The following MAPRE1 variants were observed in gnomAD, a reference collection of about 807,000 sequenced individuals.
The protein encoded by MAPRE1 is microtubule-associated protein RP/EB family member 1.
In MAPRE1, 5 loss-of-function variants were observed where a neutral mutation model predicts 32.1. The observed-to-expected ratio is 0.16, with a 90% CI of 0.08 to 0.33. The LOEUF is 0.33. Ranked by LOEUF, MAPRE1 falls within the 10% of genes least tolerant of loss-of-function variation. The probability of loss-of-function intolerance (pLI) is 1.00; values close to 1 mark genes in which losing one functional copy is unlikely to be tolerated. For missense variants in MAPRE1, 209 were observed against 327.2 expected (o/e 0.64, Z 2.79); for synonymous variants, 122 against 118.9 (o/e 1.03, Z -0.17).
chr20:32,834,451 A>G (rs1180488659), intron 3 of MAPRE1, among the ~76,000 whole-genome samples: 2 of 152,038 alleles, frequency 1.3e-5, no homozygotes, highest in Non-Finnish European at 2.9e-5. Flanking sequence ...TAGCACAAAT[A>G]TTACCTCTGT....
At chr20:32,839,263 G>A (rs1044598199) in intron 4 of MAPRE1, among the ~76,000 whole-genome samples, 2 of 152,224 alleles carry the variant, frequency 1.3e-5, no homozygotes, top group Non-Finnish European at 2.9e-5. Context: ...GGCAACAGCC[G>A]AGACTGTGTG....
intron 2 of MAPRE1, among the ~76,000 whole-genome samples, chr20:32,830,121 CCTT>C (rs1176203703): frequency 1.3e-5 from 2 of 152,136 alleles, no homozygotes; most frequent in African/African-American, 2.4e-5. Flanking sequence ...CCCTTCTCCT[CCTT>C]GTCTTCTCCC....
At chr20:32,825,401 T>C (rs1982815800) in intron 1 of MAPRE1, among the ~76,000 whole-genome samples, 1 of 152,184 alleles carries the variant, frequency 6.6e-6, no homozygotes, top group African/African-American at 2.4e-5. Context: ...GTTGGGCAGT[T>C]CATTTCAGGT....
At chr20:32,847,442 A>C (rs900016796) in intron 6 of MAPRE1, among the ~76,000 whole-genome samples, 1 of 152,250 alleles carries the variant, frequency 6.6e-6, no homozygotes, top group East Asian at 1.9e-4. Flanking sequence ...CTGTAGGATC[A>C]AACTACAAAC....
intron 2 of MAPRE1, among the ~76,000 whole-genome samples, chr20:32,831,723 C>T (rs1046388319): frequency 4.6e-5 from 7 of 151,740 alleles, no homozygotes; most frequent in African/African-American, 7.3e-5. Context: ...TTAATAGAGA[C>T]GGGATTTCAT....
At chr20:32,821,798 G>C (rs1029960334) in intron 1 of MAPRE1, among the ~76,000 whole-genome samples, 6 of 152,150 alleles carry the variant, frequency 3.9e-5, no homozygotes, top group African/African-American at 1.4e-4. Flanking sequence ...ATAGGTTTGG[G>C]ATCTTGCTAG....
At chr20:32,840,424 T>C (rs916306096) in intron 5 of MAPRE1, among the ~76,000 whole-genome samples, 168 of 152,314 alleles carry the variant, frequency 1.1e-3, no homozygotes, top group African/African-American at 3.8e-3. Context: ...TTGTAATTGG[T>C]TGGTTTGCTT....
chr20:32,838,566 C>G (rs993654888), intron 4 of MAPRE1, among the ~76,000 whole-genome samples: 1 of 152,202 alleles, frequency 6.6e-6, no homozygotes, highest in African/African-American at 2.4e-5. Context: ...CTGTATTTAA[C>G]CTTTTGCAGA....
chr20:32,836,297 A>G (rs1022728049), intron 3 of MAPRE1, among the ~76,000 whole-genome samples: 1 of 152,250 alleles, frequency 6.6e-6, no homozygotes, highest in African/African-American at 2.4e-5. Context: ...TGCAAGTTAT[A>G]TAGCGGACCT....
At chr20:32,837,422 G>A (rs1568880920) in intron 4 of MAPRE1, among the ~76,000 whole-genome samples, 1 of 152,190 alleles carries the variant, frequency 6.6e-6, no homozygotes. Flanking sequence ...GGCGGGGGTA[G>A]GGGAGAGGCT....
intron 5 of MAPRE1, among the ~76,000 whole-genome samples, chr20:32,844,898 G>A (rs1037834283): frequency 7.2e-5 from 11 of 152,280 alleles, no homozygotes; most frequent in South Asian, 2.1e-4. Context: ...GTTGGTTTCA[G>A]GAAAGGCAGC....
Position 32,848,684 on chromosome 20 carries a change from A to T in MAPRE1, c.763A>T (p.Ile255Leu). Residue 255 changes from isoleucine to leucine, a missense_variant, in exon 7 of 7, where the codon ATA (isoleucine) becomes TTA (leucine). By Grantham distance (5) the Ile-to-Leu change is conservative (BLOSUM62 2). This residue lies in a region of MAPRE1 where 36 missense variants were observed against 71.9 expected (regional missense o/e 0.50). Transcript: ENST00000375571. ...ILYATDEGFVIPDEGGPQEEQ... is the reference protein window; with the variant it reads ...ILYATDEGFVLPDEGGPQEEQ... ...TTTCCTATTTCAGGAAGGCTTTGTG[A>T]TACCTGATGAAGGGGGCCCACAGGA... The T allele has an allele frequency of 6.2e-7, 1 of 1,613,172 alleles. No individual in the cohort carries two copies. The highest frequency in any genetic ancestry group is 1.7e-5 in the Admixed American group (1 of 59,802).
intron 5 of MAPRE1, among the ~76,000 whole-genome samples, chr20:32,844,513 C>T (rs189394461): frequency 3.4e-5 from 4 of 118,466 alleles, no homozygotes; most frequent in African/African-American, 1.3e-4. Flanking sequence ...CTCCCGGGTT[C>T]AAGTGATTCC....
At chr20:32,839,269 G>C (rs1000455868) in intron 4 of MAPRE1, among the ~76,000 whole-genome samples, 1 of 152,214 alleles carries the variant, frequency 6.6e-6, no homozygotes, top group African/African-American at 2.4e-5. Flanking sequence ...AGCCGAGACT[G>C]TGTGCTCATG....
chr20:32,850,165 AG>A lies in MAPRE1; in HGVS notation c.*1438del, dbSNP rs1267586661. 6.6e-6 allele frequency: 1 copy of A among 152,632 alleles called. No individual in the cohort carries two copies. Among genetic ancestry groups the A allele is most frequent in the African/African-American group, 2.4e-5 (1 of 41,456 alleles). The allele number at this position is 152,632 out of a possible 1,614,324, so 9.5% of individuals were successfully genotyped here. On this transcript the variant is annotated 3_prime_UTR_variant, in exon 7 of 7. Coordinates refer to ENST00000375571, the MANE Select transcript of MAPRE1 (RefSeq NM_012325.3). Reference sequence around the variant, plus strand: ...GTATTTTATGATAAAAATGTTGTGTAGTGCATGCTCTGTGTGGAATTCAGAG... The same window carrying A: ...GTATTTTATGATAAAAATGTTGTGTATGCATGCTCTGTGTGGAATTCAGAG...
chr20:32,840,422 G>C (rs1351282335), intron 5 of MAPRE1, among the ~76,000 whole-genome samples: 1 of 151,868 alleles, frequency 6.6e-6, no homozygotes, highest in African/African-American at 2.4e-5. Context: ...CCTTGTAATT[G>C]GTTGGTTTGC....
At chr20:32,833,672 C>T in intron 2 of MAPRE1, 45 bp from the exon 3 acceptor site, 1 of 1,574,424 alleles carries the variant, frequency 6.4e-7, no homozygotes, top group Non-Finnish European at 8.7e-7. Context: ...AAGAAGTTCA[C>T]CCTGCTTCTT....
At chr20:32,826,546 A>T (rs1299967361) in intron 2 of MAPRE1, among the ~76,000 whole-genome samples, 184 of 13,506 alleles carry the variant, frequency 0.014, no homozygotes, top group East Asian at 0.035. Flanking sequence ...TTTTTTTTTG[A>T]GATGGGGTCT....
intron 3 of MAPRE1, among the ~76,000 whole-genome samples, chr20:32,834,217 A>G (rs575747756): frequency 1.3e-5 from 2 of 152,360 alleles, no homozygotes; most frequent in Admixed American, 6.5e-5. Flanking sequence ...TATGTAGAAT[A>G]GTTCCAGTAG....
Sources: gnomAD v4.1 joint callset for allele counts (sites outside exome capture counted in the v4.1 genomes callset) on GRCh38, gnomAD v4.1.1 for gene constraint, gnomAD v4.1.1 regional missense constraint, MANE v1.5 for transcripts, NCBI Gene and HGNC (gene_info 2026-07-23, HGNC 2026-07-21) for gene names.